R3HDM1: variants seen among roughly 807,000 people sequenced by gnomAD.
R3HDM1 encodes R3H domain containing 1.
Under a neutral mutation model 141.1 loss-of-function variants are expected in R3HDM1, and 46 were observed. The ratio of observed to expected loss-of-function variants is 0.33; its 90% CI spans 0.26 to 0.42. The LOEUF (loss-of-function observed/expected upper bound fraction) is 0.42. R3HDM1 is among the 10% of genes least tolerant of loss of function. The probability of loss-of-function intolerance (pLI) is 1.00; values close to 1 mark genes in which losing one functional copy is unlikely to be tolerated. For synonymous variants in R3HDM1, 435 were observed against 472.9 expected (o/e 0.92, Z 1.04); for missense variants, 1,184 against 1,368.3 (o/e 0.87, Z 2.12).
intron 16 of R3HDM1, among the ~76,000 whole-genome samples, chr2:135,648,693 T>A (rs77744948): frequency 0.013 from 1,955 of 150,722 alleles, 35 homozygotes; most frequent in African/African-American, 0.045. Context: ...ATAAACAGTA[T>A]AAATATGAGA....
intron 1 of R3HDM1, chr2:135,566,616 C>A: frequency 3.9e-6 from 1 of 257,730 alleles, no homozygotes; most frequent in Non-Finnish European, 6.1e-6. Flanking sequence ...CTTCTGTCAG[C>A]ATTACCAGTA....
intron 16 of R3HDM1, chr2:135,649,146 A>G (rs1462356597): frequency 1.3e-5 from 2 of 151,442 alleles, no homozygotes; most frequent in African/African-American, 4.9e-5. Context: ...GCTCACTGCA[A>G]GCTCCGCCTC....
At chr2:135,666,334 C>T (rs2289959) in intron 19 of R3HDM1, among the ~76,000 whole-genome samples, 38,257 of 152,036 alleles carry the variant, frequency 0.25, 5,905 homozygotes, top group East Asian at 0.65. Context: ...AATTTCTTTA[C>T]TGACAACTTT....
In R3HDM1 at chr2:135,630,155, T is replaced by C. The variant is rs1394275729; in HGVS notation, c.498-1563T>C. Among the ~76,000 whole-genome samples, 13 of 151,174 alleles carry C rather than the reference T, an allele frequency of 8.6e-5. No individual in the cohort carries two copies. In the East Asian group the frequency reaches 2.3e-3, roughly 27 times the overall value. ...AGTCTGGCGTGGTGGTGCATGCCTG[T>C]AGTCCCAGCTAATCGGGAGGCTGAG... is the stretch of plus-strand genomic sequence containing the variant. On this transcript the variant is annotated intron_variant, in intron 7 of 26. Coordinates refer to ENST00000683871, the MANE Select transcript of R3HDM1 (RefSeq NM_001378107.1).
intron 23 of R3HDM1, among the ~76,000 whole-genome samples, chr2:135,713,440 C>T (rs569497351): frequency 1.3e-5 from 2 of 152,210 alleles, no homozygotes; most frequent in Non-Finnish European, 2.9e-5. Context: ...AGACATTTTT[C>T]AAAATGTAGA....
At chr2:135,562,701 G>C (rs1056488921) in intron 1 of R3HDM1, among the ~76,000 whole-genome samples, 12 of 152,242 alleles carry the variant, frequency 7.9e-5, no homozygotes, top group Admixed American at 5.9e-4. Flanking sequence ...AAGTGGCCAG[G>C]TGCTTTCATC....
chr2:135,564,741 G>T (rs1702415907), intron 1 of R3HDM1, among the ~76,000 whole-genome samples: 1 of 152,160 alleles, frequency 6.6e-6, no homozygotes, highest in African/African-American at 2.4e-5. Flanking sequence ...AAATAAATAT[G>T]TAATACACAT....
chr2:135,629,414 C>T (rs1314546408), intron 7 of R3HDM1, among the ~76,000 whole-genome samples: 1 of 152,110 alleles, frequency 6.6e-6, no homozygotes, highest in Non-Finnish European at 1.5e-5. Flanking sequence ...AAAAATTCTT[C>T]ACCCTCCCCT....
rs560350859 is a variant in R3HDM1, at chr2:135,652,143, A to G, written c.2028+111A>G. 2.2e-5 allele frequency: 32 copies of G among 1,427,432 alleles called. No homozygotes were observed. The East Asian group carries it at 2.7e-4, about 12-fold the overall frequency. 88.4% of individuals were successfully genotyped at this position (1,427,432 alleles called of 1,614,324 possible). ...TCATGAAGAGAATTTGTGAGAGTAT[A>G]TAAACAAAGCATATACTCATCTTTC... On this transcript the variant is annotated intron_variant, in intron 18 of 26. Coordinates refer to ENST00000683871, the MANE Select transcript of R3HDM1 (RefSeq NM_001378107.1).
intron 26 of R3HDM1, among the ~76,000 whole-genome samples, chr2:135,723,605 G>A (rs981648335): frequency 5.3e-5 from 8 of 150,674 alleles, no homozygotes; most frequent in Non-Finnish European, 1.0e-4. Context: ...AACTCCATCC[G>A]TCTCTACTGA....
At chr2:135,544,863 G>C (rs897872370) in intron 1 of R3HDM1, among the ~76,000 whole-genome samples, 1 of 152,168 alleles carries the variant, frequency 6.6e-6, no homozygotes, top group African/African-American at 2.4e-5. Flanking sequence ...TACTGGGGAG[G>C]CTGAGGCGTG....
intron 1 of R3HDM1, among the ~76,000 whole-genome samples, chr2:135,596,300 A>G (rs937377905): frequency 1.3e-5 from 2 of 152,164 alleles, no homozygotes; most frequent in Non-Finnish European, 2.9e-5. Flanking sequence ...GCCCAGCCTA[A>G]TACTAAGCTT....
intron 1 of R3HDM1, among the ~76,000 whole-genome samples, chr2:135,601,223 A>C (rs1193979158): frequency 3.3e-5 from 5 of 152,206 alleles, no homozygotes; most frequent in Non-Finnish European, 7.3e-5. Context: ...TGGCTGGAGA[A>C]TCTTGGTCAG....
chr2:135,662,335 G>A (rs1471076931), intron 19 of R3HDM1, among the ~76,000 whole-genome samples: 2 of 152,210 alleles, frequency 1.3e-5, no homozygotes, highest in Non-Finnish European at 2.9e-5. Flanking sequence ...TTTAGGAGAA[G>A]CATCTCTGCA....
At chr2:135,650,127 C>T (rs2064993048) in intron 17 of R3HDM1, 124 bp downstream of exon 17, 2 of 995,984 alleles carry the variant, frequency 2.0e-6, no homozygotes, top group South Asian at 4.4e-5. Context: ...ACATATGTAT[C>T]TAAACAAAGT....
chr2:135,626,558 G>A (rs527739051), intron 7 of R3HDM1, among the ~76,000 whole-genome samples: 1 of 152,232 alleles, frequency 6.6e-6, no homozygotes, highest in East Asian at 1.9e-4. Context: ...AAACCTGTGG[G>A]AAAGACATCA....
intron 18 of R3HDM1, among the ~76,000 whole-genome samples, chr2:135,655,482 T>A (rs1464165025): frequency 6.6e-6 from 1 of 151,788 alleles, no homozygotes; most frequent in Non-Finnish European, 1.5e-5. Context: ...TTCTTTTTCT[T>A]TTTTTTGTTT....
At chr2:135,576,079 C>T (rs1705356004) in intron 1 of R3HDM1, among the ~76,000 whole-genome samples, 1 of 152,102 alleles carries the variant, frequency 6.6e-6, no homozygotes. Flanking sequence ...CAGAAACAGA[C>T]ACAGGTACAA....
intron 1 of R3HDM1, among the ~76,000 whole-genome samples, chr2:135,548,611 CA>C (rs1699234014): frequency 6.6e-6 from 1 of 152,014 alleles, no homozygotes; most frequent in African/African-American, 2.4e-5. Context: ...AGGCAACAAC[CA>C]AAATTTCCGA....
Sources: gnomAD v4.1 joint callset for allele counts (sites outside exome capture counted in the v4.1 genomes callset) on GRCh38, gnomAD v4.1.1 for gene constraint, MANE v1.5 for transcripts, NCBI Gene and HGNC (gene_info 2026-07-23, HGNC 2026-07-21) for gene names.